Variants in SLC33A2 observed in about 807,000 individuals in gnomAD.
SLC33A2 encodes the protein solute carrier family 33 member 2, also known as major facilitator superfamily domain containing 3.
the SLC33A2 span, chr8:144,509,192 G>A: frequency 1.2e-6 from 1 of 834,206 alleles, no homozygotes; most frequent in African/African-American, 1.8e-5. Flanking sequence ...CCAGACCCTA[G>A]CCTGTACGAC....
the SLC33A2 span, chr8:144,510,628 G>A: frequency 1.9e-6 from 3 of 1,569,314 alleles, no homozygotes; most frequent in Non-Finnish European, 2.6e-6. Flanking sequence ...GGTCGGTGCT[G>A]CGCTTCCGCC....
At chr8:144,510,362 G>A in the SLC33A2 span, 7 of 1,612,026 alleles carry the variant, frequency 4.3e-6, no homozygotes, top group African/African-American at 9.3e-5. Flanking sequence ...CACCCAAGGT[G>A]AGCAGGGTGC....
At chr8:144,511,022 A>AGCTGCTGGGGAAGCT in the SLC33A2 span, 25 of 1,603,078 alleles carry the variant, frequency 1.6e-5, no homozygotes, top group Non-Finnish European at 2.0e-5. Flanking sequence ...GCCACGCTGG[A>AGCTGCTGGGGAAGCT]GCTGCTGGGG....
At chr8:144,510,732 T>C in the SLC33A2 span, 1 of 1,597,808 alleles carries the variant, frequency 6.3e-7, no homozygotes, top group East Asian at 2.2e-5. Flanking sequence ...GGTGAGGGGC[T>C]GGCCTTGAGG....
At chr8:144,510,833 G>A in the SLC33A2 span, 1 of 1,611,010 alleles carries the variant, frequency 6.2e-7, no homozygotes, top group Non-Finnish European at 8.5e-7. Flanking sequence ...CACTTCTTGG[G>A]AGGCCTGGTC....
At chr8:144,511,153 A>G in the SLC33A2 span, 1 of 1,609,802 alleles carries the variant, frequency 6.2e-7, no homozygotes, top group South Asian at 1.1e-5. Flanking sequence ...AGCACCCAGC[A>G]CCTTTCTCTG....
chr8:144,510,930 A>G, the SLC33A2 span: 2 of 1,600,978 alleles, frequency 1.2e-6, no homozygotes, highest in Non-Finnish European at 1.7e-6. Context: ...GGGACACAAG[A>G]GAGACCACGG....
chr8:144,509,576 TGGGCTGCTTGCC>T, the SLC33A2 span: 6 of 1,528,138 alleles, frequency 3.9e-6, no homozygotes, highest in East Asian at 2.5e-5. Flanking sequence ...GCCTGGTGTG[TGGGCTGCTTGCC>T]GGGCTGCCCC....
At chr8:144,510,941 G>C in the SLC33A2 span, 1 of 1,599,836 alleles carries the variant, frequency 6.3e-7, no homozygotes, top group Admixed American at 1.7e-5. Flanking sequence ...GAGACCACGG[G>C]GCTGGGGCTG....
the SLC33A2 span, chr8:144,510,942 G>A: frequency 3.1e-6 from 5 of 1,599,876 alleles, no homozygotes; most frequent in African/African-American, 1.3e-5. Flanking sequence ...AGACCACGGG[G>A]CTGGGGCTGT....
the SLC33A2 span, chr8:144,510,333 G>A: frequency 1.1e-5 from 17 of 1,609,664 alleles, 1 homozygote; most frequent in South Asian, 1.2e-4. Context: ...GGAACCTCCC[G>A]TGCTCATGCC....
chr8:144,510,076 T>TCCC, the SLC33A2 span: 1 of 1,531,474 alleles, frequency 6.5e-7, no homozygotes, highest in South Asian at 1.2e-5. Context: ...TCCAGGTGTG[T>TCCC]CCCCAGGGGC....
chr8:144,510,753 G>C, the SLC33A2 span: 1 of 1,605,622 alleles, frequency 6.2e-7, no homozygotes, highest in African/African-American at 1.3e-5. Context: ...AGGAAGAGAG[G>C]GGCCAGGAGC....
At chr8:144,511,092 C>T in the SLC33A2 span, 1 of 1,609,638 alleles carries the variant, frequency 6.2e-7, no homozygotes, top group Non-Finnish European at 8.5e-7. Context: ...CACATCCCTG[C>T]TTCTTGCTCC....
chr8:144,510,699 T>G, the SLC33A2 span: 1 of 1,572,266 alleles, frequency 6.4e-7, no homozygotes, highest in African/African-American at 1.4e-5. Context: ...GGGGCCAGCA[T>G]GGACGCTGGC....
the SLC33A2 span, chr8:144,510,431 C>T: frequency 6.2e-7 from 1 of 1,612,934 alleles, no homozygotes; most frequent in East Asian, 2.2e-5. Flanking sequence ...CGAGTTGGGA[C>T]TGTGGAATGG....
the SLC33A2 span, chr8:144,510,167 G>C: frequency 2.3e-6 from 3 of 1,277,152 alleles, no homozygotes; most frequent in Middle Eastern, 2.7e-4. Context: ...TCTGCAGCTG[G>C]GCCTTGTGTC....
the SLC33A2 span, chr8:144,510,252 C>T: frequency 6.6e-7 from 1 of 1,516,492 alleles, no homozygotes; most frequent in East Asian, 2.3e-5. Context: ...GTATCTGCAG[C>T]TCTGGAACAC....
chr8:144,509,204 C>T, the SLC33A2 span: 4 of 950,472 alleles, frequency 4.2e-6, no homozygotes, highest in Non-Finnish European at 4.5e-6. Flanking sequence ...CTGTACGACG[C>T]TGACTCTGCC....
Sources: gnomAD v4.1 joint callset for allele counts on GRCh38, gnomAD v4.1.1 for gene constraint, MANE v1.5 for transcripts, NCBI Gene and HGNC (gene_info 2026-07-23, HGNC 2026-07-21) for gene names.